The following FTO variants were observed in gnomAD, a reference collection of about 807,000 sequenced individuals.
The protein encoded by FTO is alpha-ketoglutarate-dependent dioxygenase FTO.
FTO carries 47 observed loss-of-function variants against 63.9 expected under a neutral mutation model. That is an observed-to-expected ratio of 0.74 (90% CI 0.58 to 0.94). FTO has a LOEUF of 0.94. FTO is among the 40% of genes least tolerant of loss of function. The pLI, the probability that FTO is intolerant of heterozygous loss-of-function variation, is 0.00. For missense variants in FTO, 562 were observed against 618.1 expected (o/e 0.91, Z 0.96); for synonymous variants, 207 against 224.4 (o/e 0.92, Z 0.69).
chr16:53,790,047 A>T (rs917128575), intron 1 of FTO, among the ~76,000 whole-genome samples: 1 of 149,794 alleles, frequency 6.7e-6, no homozygotes, highest in African/African-American at 2.4e-5. Flanking sequence ...TATTTTGTAT[A>T]TATGTATACA....
chr16:54,104,752 A>G (rs1053432331), intron 8 of FTO, among the ~76,000 whole-genome samples: 8 of 152,226 alleles, frequency 5.3e-5, no homozygotes, highest in South Asian at 2.1e-4. Context: ...AACTTCCAGA[A>G]AAAACACTGA....
chr16:53,785,965 C>T (rs11075989), intron 1 of FTO, among the ~76,000 whole-genome samples: 60,745 of 148,714 alleles, frequency 0.41, 12,747 homozygotes, highest in African/African-American at 0.48. Flanking sequence ...TTTTATTTTA[C>T]GCAAAGTGGG....
Position 53,759,712 on chromosome 16 carries a change from A to G in FTO, c.46-50428A>G, listed in dbSNP as rs895742008. On this transcript the variant is annotated intron_variant, in intron 1 of 8. Coordinates refer to ENST00000471389, the MANE Select transcript of FTO (RefSeq NM_001080432.3). The stretch of plus-strand genomic sequence containing the variant: ...CCTTCTCAAAAAAAAAAAAAAAAAA[A>G]AAAAGAAAAAAGAAATAATACAGGG... 2.0e-4 allele frequency among the ~76,000 whole-genome samples: 30 copies of G among 151,258 alleles called. No individual in the cohort carries two copies. In the Middle Eastern group the frequency reaches 0.01, roughly 52 times the overall value.
rs554850125 is a variant in FTO at position 54,017,228 on chromosome 16, C to T, written c.1364+83119C>T. On this transcript the variant is annotated intron_variant, in intron 8 of 8. Transcript: ENST00000471389. ...TCAGAAGCATCCATCAATTTTTTATCGACACCAAATCAAGTTGATACTTCA... is the reference window on the plus strand; with the variant it reads ...TCAGAAGCATCCATCAATTTTTTATTGACACCAAATCAAGTTGATACTTCA... Among the ~76,000 whole-genome samples the T allele has an allele frequency of 3.9e-5, 6 of 152,272 alleles. No homozygotes were observed. In the East Asian group the frequency reaches 9.7e-4, roughly 24 times the overall value.
At chr16:53,796,569 T>C (rs2078077484) in intron 1 of FTO, among the ~76,000 whole-genome samples, 1 of 152,156 alleles carries the variant, frequency 6.6e-6, no homozygotes, top group Admixed American at 6.5e-5. Flanking sequence ...TACTAATATC[T>C]AAGAAAATAT....
intron 8 of FTO, among the ~76,000 whole-genome samples, chr16:54,107,536 T>A (rs568969900): frequency 7.9e-5 from 12 of 152,236 alleles, no homozygotes; most frequent in African/African-American, 2.9e-4. Context: ...TTTTCATGGG[T>A]TCATACCCAG....
chr16:53,873,215 A>T (rs956490183), intron 4 of FTO, among the ~76,000 whole-genome samples: 45 of 152,154 alleles, frequency 3.0e-4, no homozygotes, highest in Non-Finnish European at 6.6e-4. Flanking sequence ...ATAAGGGTAG[A>T]AGTAGATGTG....
intron 1 of FTO, among the ~76,000 whole-genome samples, chr16:53,731,647 C>G (rs1407688818): frequency 6.6e-6 from 1 of 151,746 alleles, no homozygotes; most frequent in Non-Finnish European, 1.5e-5. Flanking sequence ...TCACTGCAAC[C>G]TCCGCCTGCC....
intron 8 of FTO, among the ~76,000 whole-genome samples, chr16:54,049,733 G>A (rs2085270133): frequency 6.6e-6 from 1 of 152,216 alleles, no homozygotes; most frequent in African/African-American, 2.4e-5. Flanking sequence ...CAGAATGTAG[G>A]CAAAGGGAAG....
intron 1 of FTO, among the ~76,000 whole-genome samples, chr16:53,804,998 T>G (rs2078325718): frequency 6.6e-6 from 1 of 152,180 alleles, no homozygotes; most frequent in Non-Finnish European, 1.5e-5. Context: ...ATTTTCCCAC[T>G]TAAAACCCTC....
chr16:53,783,604 T>TATCAAAAAAAA lies in FTO; in HGVS notation c.46-26535_46-26534insTCAAAAAAAAA, dbSNP rs397716766. ...GCCTGGGTGACAGAGCAAGACTCCATAAAAAAAAAAAAAAAAAAAAAAAGT... is the reference window on the plus strand; with the variant it reads ...GCCTGGGTGACAGAGCAAGACTCCATATCAAAAAAAAAAAAAAAAAAAAAAAAAAAAAAAGT... On this transcript the variant is annotated intron_variant, in intron 1 of 8. Transcript: ENST00000471389. Among the ~76,000 whole-genome samples, 4 of 68,134 alleles carry TATCAAAAAAAA rather than the reference T, an allele frequency of 5.9e-5. 1 individual carries two copies. The highest frequency in any genetic ancestry group is 1.2e-4 in the African/African-American group (2 of 16,860). The allele number at this position is 68,134 out of a possible 152,430, so 44.7% of individuals were successfully genotyped here.
rs1164538559 is a variant in FTO, at chr16:53,890,456, C to T, written c.1239+1505C>T. On this transcript the variant is annotated intron_variant, in intron 7 of 8. Coordinates refer to ENST00000471389, the MANE Select transcript of FTO (RefSeq NM_001080432.3). ...ATAAGAACACTTAACATAGGATCTACCCTAATTCCTACTTTATAATAATGA... is the reference window on the plus strand; with the variant it reads ...ATAAGAACACTTAACATAGGATCTATCCTAATTCCTACTTTATAATAATGA... Among the ~76,000 whole-genome samples, 4 of 152,092 alleles carry T rather than the reference C, an allele frequency of 2.6e-5. No individual in the cohort carries two copies. The East Asian group carries it at 7.7e-4, about 29-fold the overall frequency.
At chr16:54,035,365 G>A (rs1392648555) in intron 8 of FTO, among the ~76,000 whole-genome samples, 3 of 152,186 alleles carry the variant, frequency 2.0e-5, no homozygotes, top group South Asian at 2.1e-4. Context: ...GGCAACATGC[G>A]GAGTATCTCA....
intron 1 of FTO, among the ~76,000 whole-genome samples, chr16:53,778,172 A>T (rs2077505691): frequency 6.6e-6 from 1 of 152,198 alleles, no homozygotes. Context: ...GAACATAGCA[A>T]CTAGTAAGTT....
At chr16:53,896,505 G>A (rs1384225180) in intron 7 of FTO, among the ~76,000 whole-genome samples, 2 of 152,116 alleles carry the variant, frequency 1.3e-5, no homozygotes, top group Admixed American at 6.5e-5. Flanking sequence ...TCCAAAGGAT[G>A]TCGTGCCATT....
At chr16:53,784,618 A>T (rs113374426) in intron 1 of FTO, among the ~76,000 whole-genome samples, 232 of 152,292 alleles carry the variant, frequency 1.5e-3, no homozygotes, top group Non-Finnish European at 3.0e-3. Context: ...ACTAAGTTTA[A>T]GTGATTTCAC....
chr16:53,840,839 C>G (rs1460087100), intron 3 of FTO, among the ~76,000 whole-genome samples: 1 of 152,000 alleles, frequency 6.6e-6, no homozygotes, highest in Non-Finnish European at 1.5e-5. Context: ...CCTATAGCCA[C>G]TGTGACTGGC....
intron 8 of FTO, among the ~76,000 whole-genome samples, chr16:54,090,133 A>G (rs2086350428): frequency 6.6e-6 from 1 of 152,260 alleles, no homozygotes; most frequent in African/African-American, 2.4e-5. Flanking sequence ...AACAACCCAC[A>G]TATCCATCAA....
intron 3 of FTO, among the ~76,000 whole-genome samples, chr16:53,828,250 C>T (rs898789220): frequency 4.6e-5 from 7 of 152,188 alleles, no homozygotes; most frequent in Middle Eastern, 3.4e-3. Context: ...GACGGGGTCT[C>T]GCTCTGTCGC....
Sources: allele counts gnomAD v4.1 joint callset (sites outside exome capture counted in the v4.1 genomes callset), GRCh38; gene constraint gnomAD v4.1.1; transcripts MANE v1.5; gene names NCBI Gene and HGNC (gene_info 2026-07-23, HGNC 2026-07-21).